EXOC4: variants seen among roughly 807,000 people sequenced by gnomAD.
The protein encoded by EXOC4 is exocyst complex component 4.
EXOC4 carries 71 observed loss-of-function variants against 107.2 expected under a neutral mutation model. The observed-to-expected ratio is 0.66, with a 90% CI of 0.55 to 0.81. EXOC4 has a LOEUF of 0.81. Among genes scored for constraint, EXOC4 ranks in the 30% least tolerant of loss-of-function variants. EXOC4 has a pLI of 0.00. For missense variants in EXOC4, 1,108 were observed against 1,189.6 expected, an observed-to-expected ratio of 0.93 and a Z score of 1.01; for synonymous variants, 456 against 441.2, an observed-to-expected ratio of 1.03 and a Z score of -0.42.
intron 14 of EXOC4, among the ~76,000 whole-genome samples, chr7:133,983,138 G>C (rs1005871501): frequency 6.6e-6 from 1 of 151,886 alleles, no homozygotes; most frequent in African/African-American, 2.4e-5. Flanking sequence ...GGAGCAAGAG[G>C]CTGGATATTC....
At chr7:133,936,477 T>G (rs1182111397) in intron 13 of EXOC4, among the ~76,000 whole-genome samples, 3 of 152,210 alleles carry the variant, frequency 2.0e-5, no homozygotes, top group African/African-American at 7.2e-5. Flanking sequence ...TCTAGTTAAA[T>G]TAAGCCCTTG....
chr7:134,078,233 T>TCTTA, the EXOC4 span, among the ~76,000 whole-genome samples: 2 of 152,010 alleles, frequency 1.3e-5, no homozygotes, highest in Non-Finnish European at 2.9e-5. Context: ...GATACATAGG[T>TCTTA]CTTAATTCAG....
intron 11 of EXOC4, among the ~76,000 whole-genome samples, chr7:133,876,597 T>A (rs1288568438): frequency 2.0e-5 from 3 of 151,948 alleles, no homozygotes; most frequent in Non-Finnish European, 4.4e-5. Context: ...GGTACCACAG[T>A]GCAAGCCACC....
At chr7:133,786,892 A>G (rs1167486440) in intron 10 of EXOC4, among the ~76,000 whole-genome samples, 1 of 152,254 alleles carries the variant, frequency 6.6e-6, no homozygotes, top group African/African-American at 2.4e-5. Context: ...TGCTATGCTC[A>G]GAGTATTGTG....
downstream of EXOC4, among the ~76,000 whole-genome samples, chr7:134,069,839 T>C (rs1796248350): frequency 6.6e-6 from 1 of 152,178 alleles, no homozygotes; most frequent in Non-Finnish European, 1.5e-5. Context: ...ACTGAGGCCA[T>C]TGAATTCAGG....
At chr7:133,859,144 A>G (rs1585204771) in intron 11 of EXOC4, among the ~76,000 whole-genome samples, 1 of 152,290 alleles carries the variant, frequency 6.6e-6, no homozygotes, top group East Asian at 1.9e-4. Flanking sequence ...TTTTCCAAGC[A>G]GCCATTAGAG....
intron 13 of EXOC4, among the ~76,000 whole-genome samples, chr7:133,930,281 A>G (rs1317411580): frequency 2.0e-5 from 3 of 152,330 alleles, no homozygotes; most frequent in African/African-American, 7.2e-5. Flanking sequence ...GCCTAAAGAA[A>G]AAACATGAAC....
intron 10 of EXOC4, among the ~76,000 whole-genome samples, chr7:133,686,192 TG>T (rs149784376): frequency 6.6e-6 from 1 of 152,270 alleles, no homozygotes; most frequent in East Asian, 1.9e-4. Flanking sequence ...CCTCACCAGA[TG>T]TAGCCCCTTG....
At chr7:133,504,823 C>T (rs981418419) in intron 9 of EXOC4, among the ~76,000 whole-genome samples, 163 of 152,130 alleles carry the variant, frequency 1.1e-3, no homozygotes, top group African/African-American at 3.5e-3. Context: ...TGAATACTTG[C>T]TTTAATAAGA....
intron 5 of EXOC4, among the ~76,000 whole-genome samples, chr7:133,336,846 G>A (rs1409659846): frequency 6.6e-6 from 1 of 152,020 alleles, no homozygotes; most frequent in African/African-American, 2.4e-5. Flanking sequence ...CAATTCTCCA[G>A]CCTCAGCCTC....
chr7:133,716,565 A>G (rs1795002885), intron 10 of EXOC4, among the ~76,000 whole-genome samples: 1 of 152,226 alleles, frequency 6.6e-6, no homozygotes, highest in South Asian at 2.1e-4. Flanking sequence ...GTCATGACAT[A>G]TAGAAATGGA....
intron 1 of EXOC4, chr7:133,253,423 G>A (rs13437786): frequency 0.069 from 88,727 of 1,283,568 alleles, 10,126 homozygotes; most frequent in African/African-American, 0.48. Context: ...TTTAGGGGCA[G>A]CACCTTCTAT....
intron 10 of EXOC4, chr7:133,733,728 T>C (rs1317612106): frequency 1.3e-5 from 2 of 152,308 alleles, no homozygotes; most frequent in Middle Eastern, 3.4e-3. Context: ...ACTACTAGTT[T>C]TGTCATTACA....
intron 9 of EXOC4, among the ~76,000 whole-genome samples, chr7:133,554,087 CT>C (rs1236500309): frequency 1.3e-5 from 2 of 152,092 alleles, no homozygotes; most frequent in Non-Finnish European, 2.9e-5. Flanking sequence ...CACAGTTTAT[CT>C]GTTATGTAGA....
chr7:133,626,735 C>G (rs1471685663), intron 9 of EXOC4, among the ~76,000 whole-genome samples: 1 of 152,132 alleles, frequency 6.6e-6, no homozygotes, highest in Admixed American at 6.6e-5. Context: ...ATTTTCACAG[C>G]CAAATCTTCC....
At position 133,316,096 on chromosome 7, in the gene EXOC4, G is replaced by C. The variant is rs146003781; in HGVS notation, c.657-1188G>C. ...CAGTGTGAAATTATCACTTGAACCC[G>C]AATTATCACTTAACAAACTTTATTT... On this transcript the variant is annotated intron_variant, in intron 4 of 17. Coordinates refer to ENST00000253861, the MANE Select transcript of EXOC4 (RefSeq NM_021807.4). 1.8e-3 allele frequency among the ~76,000 whole-genome samples: 280 copies of C among 152,198 alleles called. 1 individual carries two copies. The highest frequency in any genetic ancestry group is 2.9e-3 in the Admixed American group (44 of 15,284).
At chr7:133,576,691 A>G in intron 9 of EXOC4, 1 of 1,289,772 alleles carries the variant, frequency 7.8e-7, no homozygotes, top group Non-Finnish European at 1.0e-6. Context: ...GGAGCCGTGA[A>G]ACCATCTCAA....
chr7:133,660,488 G>C (rs1255445198), intron 10 of EXOC4, among the ~76,000 whole-genome samples: 1 of 152,128 alleles, frequency 6.6e-6, no homozygotes, highest in Admixed American at 6.6e-5. Flanking sequence ...TTGTGTGGAA[G>C]ACTTCTTGAT....
chr7:133,367,645 G>A (rs970512106), intron 6 of EXOC4, among the ~76,000 whole-genome samples: 4 of 152,030 alleles, frequency 2.6e-5, no homozygotes, highest in Non-Finnish European at 4.4e-5. Flanking sequence ...GTTTTCTAAC[G>A]CCCCTAAAAA....
Sources: allele counts gnomAD v4.1 joint callset (sites outside exome capture counted in the v4.1 genomes callset), GRCh38; gene constraint gnomAD v4.1.1; transcripts MANE v1.5; gene names NCBI Gene and HGNC (gene_info 2026-07-23, HGNC 2026-07-21).